The following HDAC2 variants were observed in gnomAD, a reference collection of about 807,000 sequenced individuals.
HDAC2 encodes histone deacetylase 2.
Under a neutral mutation model 68.5 loss-of-function variants are expected in HDAC2, and 5 were observed. The ratio of observed to expected loss-of-function variants is 0.07; its 90% CI spans 0.04 to 0.15. HDAC2 has a LOEUF of 0.15. Ranked by LOEUF, HDAC2 falls within the 10% of genes least tolerant of loss-of-function variation. The probability of loss-of-function intolerance (pLI) is 1.00; values close to 1 mark genes in which losing one functional copy is unlikely to be tolerated. For missense variants in HDAC2, 291 were observed against 600.8 expected (o/e 0.48, Z 5.39); for synonymous variants, 182 against 191.3 (o/e 0.95, Z 0.40).
intron 5 of HDAC2, among the ~76,000 whole-genome samples, chr6:113,954,851 T>A (rs939960896): frequency 4.0e-5 from 5 of 125,614 alleles, no homozygotes; most frequent in African/African-American, 1.3e-4. Context: ...TGGCAAAAAA[T>A]AACTAACATT....
intron 1 of HDAC2, among the ~76,000 whole-genome samples, chr6:113,965,667 G>A (rs934830760): frequency 2.0e-5 from 3 of 152,268 alleles, no homozygotes; most frequent in African/African-American, 7.2e-5. Flanking sequence ...CACTGCACCC[G>A]GCCCCCTCTC....
chr6:113,970,364 G>T, intron 1 of HDAC2: 2 of 696,768 alleles, frequency 2.9e-6, no homozygotes, highest in Non-Finnish European at 3.5e-6. Flanking sequence ...AAGGGGACGG[G>T]AGGGGCGGAG....
intron 2 of HDAC2, 132 bp downstream of exon 2, chr6:113,959,774 A>AG (rs1776638128): frequency 5.1e-6 from 3 of 587,692 alleles, no homozygotes; most frequent in African/African-American, 1.9e-5. Context: ...AAACGAAAAA[A>AG]GAAGTTTGTT....
At position 113,961,881 on chromosome 6, in the gene HDAC2, C is replaced by T. The variant is rs371484542; in HGVS notation, c.53-1863G>A. On this transcript the variant is annotated intron_variant, in intron 1 of 13. Transcript: ENST00000519065. ...CCCTGCCCATAATAATTTCCAATAT[C>T]ACCTAAAACAGAAAAGACACAAACT... is the stretch of plus-strand genomic sequence containing the variant. 3.5e-4 allele frequency among the ~76,000 whole-genome samples: 53 copies of T among 152,210 alleles called. 5 individuals carry two copies. The highest frequency in any genetic ancestry group is 1.2e-3 in the African/African-American group (49 of 41,548).
At chr6:113,969,212 A>G (rs1776913155) in intron 1 of HDAC2, among the ~76,000 whole-genome samples, 1 of 152,174 alleles carries the variant, frequency 6.6e-6, no homozygotes, top group East Asian at 1.9e-4. Flanking sequence ...AAATCAACTT[A>G]TATAATGCAT....
At position 113,944,317 on chromosome 6, in the gene HDAC2, T is replaced by G; in HGVS notation, c.1185A>C (p.Gly395=). The change falls in exon 11 of 14, where the codon GGA becomes GGC. Residue 395 remains glycine, a synonymous_variant. Coordinates refer to ENST00000519065, the MANE Select transcript of HDAC2 (RefSeq NM_001527.4). ...TGTCTGGATCTTCTCCATCTTCATC[T>G]CCACTGTCTTCATGAACAGCATCTT... ...IPEDAVHEDS[G]DEDGEDPDKR... 1 of 1,612,586 alleles carries G rather than the reference T, an allele frequency of 6.2e-7. No individual in the cohort carries two copies. Among genetic ancestry groups the G allele is most frequent in the Non-Finnish European group, 8.5e-7 (1 of 1,178,616 alleles).
At chr6:113,970,522 G>A (rs1382767855) in intron 1 of HDAC2, 2 of 1,194,586 alleles carry the variant, frequency 1.7e-6, no homozygotes, top group African/African-American at 3.3e-5. Flanking sequence ...GAGAGAATGG[G>A]CCGCCCCCTT....
At chr6:113,945,190 T>TAA (rs1400872469) in intron 10 of HDAC2, among the ~76,000 whole-genome samples, 172 bp downstream of exon 10, 3 of 125,964 alleles carry the variant, frequency 2.4e-5, no homozygotes, top group Non-Finnish European at 5.4e-5. Flanking sequence ...ACAAAAAAAT[T>TAA]AAAAATTAAA....
Position 113,970,918 on chromosome 6 carries a change from G to A in HDAC2, c.-10C>T, listed in dbSNP as rs1451154396. ...CTTGACTGTACGCCATGGGCTCCCC[G>A]GCCACCGCCGCCACCGGGCTCCTCC... On this transcript the variant is annotated 5_prime_UTR_variant, in exon 1 of 14. Coordinates refer to ENST00000519065, the MANE Select transcript of HDAC2 (RefSeq NM_001527.4). The A allele has an allele frequency of 3.9e-6, 6 of 1,549,976 alleles. No individual in the cohort carries two copies. In the African/African-American group the frequency reaches 4.1e-5, roughly 11 times the overall value.
At chr6:113,956,896 T>C in intron 3 of HDAC2, 1 of 498,840 alleles carries the variant, frequency 2.0e-6, no homozygotes, top group East Asian at 3.2e-5. Flanking sequence ...TGAAAGATCA[T>C]CAAATCTTAT....
At chr6:113,970,755 C>T in intron 1 of HDAC2, 102 bp downstream of exon 1, 1 of 1,427,050 alleles carries the variant, frequency 7.0e-7, no homozygotes, top group South Asian at 1.5e-5. Context: ...GTCGGTCCCT[C>T]CTCCTTCCCA....
At chr6:113,947,892 G>GA (rs1776300850) in intron 8 of HDAC2, 1 of 152,062 alleles carries the variant, frequency 6.6e-6, no homozygotes, top group African/African-American at 2.4e-5. Context: ...TTGTTCTGGA[G>GA]AAAGTTCTAT....
intron 1 of HDAC2, 146 bp from the exon 2 acceptor site, chr6:113,960,164 T>C (rs1776646810): frequency 3.2e-6 from 2 of 634,426 alleles, no homozygotes; most frequent in South Asian, 3.6e-5. Flanking sequence ...ATTTTGCAAC[T>C]TTCAAACTGT....
intron 1 of HDAC2, among the ~76,000 whole-genome samples, chr6:113,969,450 G>A (rs532674260): frequency 7.9e-5 from 12 of 152,282 alleles, no homozygotes; most frequent in African/African-American, 2.6e-4. Context: ...GTGCTCTGGG[G>A]TCTTACTTCT....
chr6:113,944,686 G>T (rs1314510136), intron 10 of HDAC2, among the ~76,000 whole-genome samples: 1 of 152,046 alleles, frequency 6.6e-6, no homozygotes, highest in African/African-American at 2.4e-5. Flanking sequence ...TGCAGACAAG[G>T]TCTCACTATA....
chr6:113,966,287 C>T (rs772911817), intron 1 of HDAC2, among the ~76,000 whole-genome samples: 2 of 152,146 alleles, frequency 1.3e-5, no homozygotes, highest in African/African-American at 2.4e-5. Context: ...CAGTGGCTCA[C>T]GCCTGTAATC....
At chr6:113,959,049 A>G (rs1005687135) in intron 2 of HDAC2, among the ~76,000 whole-genome samples, 1 of 152,078 alleles carries the variant, frequency 6.6e-6, no homozygotes, top group Non-Finnish European at 1.5e-5. Flanking sequence ...AGTCAAATCC[A>G]TATGTTCATA....
At position 113,956,353 on chromosome 6, in the gene HDAC2, T is replaced by C. The variant is rs1776554360; in HGVS notation, c.359-202A>G. 7.0e-6 allele frequency: 4 copies of C among 569,350 alleles called. No homozygotes were observed. In the East Asian group the frequency reaches 1.1e-4, roughly 16 times the overall value. The allele number at this position is 569,350 out of a possible 1,614,324, so 35.3% of individuals were successfully genotyped here. Reference sequence around the variant, plus strand: ...GCTGCAACCTGAGATTAAATAATGGTTTATGTGGAAAGTGGTAGTAACAAT... The same window carrying C: ...GCTGCAACCTGAGATTAAATAATGGCTTATGTGGAAAGTGGTAGTAACAAT... On this transcript the variant is annotated intron_variant, in intron 4 of 13. Transcript: ENST00000519065.
At chr6:113,955,276 C>T (rs1172547080) in intron 5 of HDAC2, among the ~76,000 whole-genome samples, 14 of 151,600 alleles carry the variant, frequency 9.2e-5, no homozygotes, top group Admixed American at 9.2e-4. Context: ...TGCAGTGGTG[C>T]CATCTCGGCT....
Sources: allele counts gnomAD v4.1 joint callset (sites outside exome capture counted in the v4.1 genomes callset), GRCh38; gene constraint gnomAD v4.1.1; transcripts MANE v1.5; gene names NCBI Gene and HGNC (gene_info 2026-07-23, HGNC 2026-07-21).